DSCAML1: variants seen among roughly 807,000 people sequenced by gnomAD.
DSCAML1 encodes cell adhesion molecule DSCAML1.
A neutral mutation model predicts 200.5 loss-of-function variants in DSCAML1; 38 were observed. The ratio of observed to expected loss-of-function variants is 0.19; its 90% CI spans 0.15 to 0.25. The LOEUF (loss-of-function observed/expected upper bound fraction) is 0.25. DSCAML1 is among the 10% of genes least tolerant of loss of function. The pLI is 1.00. For synonymous variants in DSCAML1, 1,215 were observed against 1,165.0 expected, an observed-to-expected ratio of 1.04 and a Z score of -0.87; for missense variants, 2,223 against 2,858.8, an observed-to-expected ratio of 0.78 and a Z score of 5.07.
intron 3 of DSCAML1, among the ~76,000 whole-genome samples, chr11:117,764,442 CT>C (rs1258359187): frequency 6.6e-6 from 1 of 152,160 alleles, no homozygotes; most frequent in Non-Finnish European, 1.5e-5. Context: ...CTCCAAATCC[CT>C]TGAGATCCTC....
intron 3 of DSCAML1, among the ~76,000 whole-genome samples, chr11:117,557,451 G>A (rs1056576099): frequency 6.6e-6 from 1 of 152,218 alleles, no homozygotes; most frequent in African/African-American, 2.4e-5. Flanking sequence ...GTTGGGTACA[G>A]TGGGAGCTGG....
At chr11:117,448,646 G>A (rs80342138) in intron 20 of DSCAML1, among the ~76,000 whole-genome samples, 1 of 142,570 alleles carries the variant, frequency 7.0e-6, no homozygotes, top group Non-Finnish European at 1.5e-5. Context: ...TGTGGGGGGT[G>A]GGTAGAGTTG....
intron 3 of DSCAML1, among the ~76,000 whole-genome samples, chr11:117,567,475 A>T (rs1358860700): frequency 1.3e-5 from 2 of 152,084 alleles, no homozygotes; most frequent in African/African-American, 4.8e-5. Flanking sequence ...GATTCTGGAC[A>T]CTAGCCCTTT....
chr11:117,814,811 C>G (rs536760604), intron 1 of DSCAML1, among the ~76,000 whole-genome samples: 51 of 152,210 alleles, frequency 3.4e-4, no homozygotes, highest in Admixed American at 3.3e-3. Context: ...TCGTCCCCCT[C>G]CTGCCCCCTG....
rs1338427123 is a variant in DSCAML1, at chr11:117,642,566, C to A, written c.512-110044G>T. ...GTGCCTGGCGAGGGGCTGGAAGGAGCAATGGTGAGACACAGTGGGGCTGTA... is the reference window on the plus strand; with the variant it reads ...GTGCCTGGCGAGGGGCTGGAAGGAGAAATGGTGAGACACAGTGGGGCTGTA... On this transcript the variant is annotated intron_variant, in intron 3 of 32. Coordinates refer to ENST00000651296, the MANE Select transcript of DSCAML1 (RefSeq NM_020693.4). This position sits in a 1 kb window ranked among gnomAD's most constrained non-coding sequence, Gnocchi z 4.1. 2.6e-5 allele frequency among the ~76,000 whole-genome samples: 4 copies of A among 152,194 alleles called. No homozygotes were observed. Among genetic ancestry groups the A allele is most frequent in the African/African-American group, 9.6e-5 (4 of 41,454 alleles).
intron 3 of DSCAML1, among the ~76,000 whole-genome samples, chr11:117,653,747 G>A (rs760916799): frequency 5.3e-5 from 8 of 152,150 alleles, no homozygotes; most frequent in Admixed American, 3.3e-4. Context: ...AAGAAAAAGC[G>A]TGCACAAGAA....
intron 3 of DSCAML1, among the ~76,000 whole-genome samples, chr11:117,570,368 A>G (rs914356751): frequency 2.6e-5 from 4 of 152,180 alleles, no homozygotes; most frequent in African/African-American, 7.2e-5. Context: ...GTCACAATGC[A>G]TATTAACACA....
At chr11:117,537,363 G>A (rs891745318) in intron 3 of DSCAML1, among the ~76,000 whole-genome samples, 8 of 152,224 alleles carry the variant, frequency 5.3e-5, no homozygotes, top group Non-Finnish European at 8.8e-5. Flanking sequence ...CATGGAAGGC[G>A]TGGCCGTCAG....
rs34138305 is a variant in DSCAML1, at chr11:117,505,698, G to A, written c.1818C>T (p.Pro606=). 93,708 of 1,612,664 alleles carry A rather than the reference G, an allele frequency of 0.058. 3,311 individuals carry two copies. The highest frequency in any genetic ancestry group is 0.13 in the African/African-American group (9,411 of 74,956). ...TGTAGAGCAGCTGGCCGATGGAGGC[G>A]GGTGGGAATTCGAAGGGCTGGATCA... ...PPLIQPFEFP[P]ASIGQLLYIP... The change falls in exon 9 of 33, where the codon CCC becomes CCT. Residue 606 remains proline (P), a synonymous_variant. Transcript: ENST00000651296. The surrounding 1 kb of genome is among the most constrained non-coding windows in gnomAD (Gnocchi z 6.7).
chr11:117,796,934 C>T, intron 1 of DSCAML1, 100 bp downstream of exon 1: 4 of 915,726 alleles, frequency 4.4e-6, no homozygotes, highest in Non-Finnish European at 5.8e-6. Flanking sequence ...CCGGTCGGTT[C>T]CCCCACGCAC....
At chr11:117,533,634 C>G (rs1389442732) in intron 3 of DSCAML1, among the ~76,000 whole-genome samples, 1 of 152,150 alleles carries the variant, frequency 6.6e-6, no homozygotes, top group East Asian at 1.9e-4. Context: ...CTGTTGGGAC[C>G]TAGCAGGAGA....
chr11:117,719,796 T>C (rs2054013897), intron 3 of DSCAML1, among the ~76,000 whole-genome samples: 2 of 152,132 alleles, frequency 1.3e-5, no homozygotes, highest in African/African-American at 4.8e-5. Flanking sequence ...AGGACTTTCT[T>C]TGGAGGTAGG....
intron 3 of DSCAML1, among the ~76,000 whole-genome samples, chr11:117,560,385 T>C (rs1198742422): frequency 6.6e-6 from 1 of 152,200 alleles, no homozygotes; most frequent in Non-Finnish European, 1.5e-5. Flanking sequence ...TCCCCTTCTC[T>C]ACTGTCATAT....
intron 3 of DSCAML1, among the ~76,000 whole-genome samples, chr11:117,697,006 T>C (rs971970700): frequency 6.6e-6 from 1 of 152,190 alleles, no homozygotes; most frequent in Non-Finnish European, 1.5e-5. Context: ...ACAAGGACCT[T>C]CTATTTGCTA....
chr11:117,581,637 C>A (rs1234887728), intron 3 of DSCAML1, among the ~76,000 whole-genome samples: 1 of 152,126 alleles, frequency 6.6e-6, no homozygotes, highest in African/African-American at 2.4e-5. Context: ...AAGATCCATG[C>A]GTTACTTTTA....
chr11:117,453,114 TA>T (rs2048310926), intron 19 of DSCAML1, among the ~76,000 whole-genome samples: 1 of 152,124 alleles, frequency 6.6e-6, no homozygotes, highest in Non-Finnish European at 1.5e-5. Context: ...TTTGTATTTT[TA>T]GTAGAGACGG....
Position 117,428,565 on chromosome 11 carries a change from G to T in DSCAML1, c.5925C>A (p.Ala1975=). The change falls in exon 33 of 33, where the codon GCC becomes GCA. Residue 1975 remains alanine (A), a synonymous_variant. Coordinates refer to ENST00000651296, the MANE Select transcript of DSCAML1 (RefSeq NM_020693.4). ...CTGTGCCGGCTGGGGGGGCTGGCAT[G>T]GCCAGAGTCCTCTGAGGTAAGGTGG... ...STATLPQRTL[A]MPAPPAGTAP... 2 of 1,569,552 alleles carry T rather than the reference G, an allele frequency of 1.3e-6. No individual in the cohort carries two copies. The highest frequency in any genetic ancestry group is 4.7e-5 in the East Asian group (2 of 42,778).
chr11:117,492,351 C>T (rs7119734), intron 11 of DSCAML1, among the ~76,000 whole-genome samples: 33,168 of 152,078 alleles, frequency 0.22, 3,844 homozygotes, highest in African/African-American at 0.27. Context: ...TAGTGCTTTT[C>T]GCCAAAAAAG....
At chr11:117,428,946 C>G (rs576952971) in intron 32 of DSCAML1, 143 bp from the exon 33 acceptor site, 26 of 700,912 alleles carry the variant, frequency 3.7e-5, no homozygotes, top group Non-Finnish European at 4.9e-5. Flanking sequence ...TAAAGAGTAG[C>G]GGAAAGGTCG....
Sources: gnomAD v4.1 joint callset for allele counts (sites outside exome capture counted in the v4.1 genomes callset) on GRCh38, gnomAD v4.1.1 for gene constraint, Gnocchi (gnomAD v3.1) non-coding constraint, MANE v1.5 for transcripts, NCBI Gene and HGNC (gene_info 2026-07-23, HGNC 2026-07-21) for gene names.